Variants in CSMD3 observed in about 807,000 individuals in gnomAD.
The protein encoded by CSMD3 is CUB and sushi domain-containing protein 3.
A neutral mutation model predicts 435.2 loss-of-function variants in CSMD3; 177 were observed. That is an observed-to-expected ratio of 0.41 (90% CI 0.36 to 0.46). The LOEUF (loss-of-function observed/expected upper bound fraction) is 0.46. Among genes scored for constraint, CSMD3 ranks in the 20% least tolerant of loss-of-function variants. The pLI is 0.34. For missense variants in CSMD3, 4,265 were observed against 4,504.6 expected (o/e 0.95, Z 1.52); for synonymous variants, 1,656 against 1,520.5 (o/e 1.09, Z -2.07).
intron 69 of CSMD3, among the ~76,000 whole-genome samples, chr8:112,229,907 A>G (rs1017853729): frequency 6.6e-6 from 1 of 151,446 alleles, no homozygotes; most frequent in African/African-American, 2.4e-5. Flanking sequence ...AAAAAAAAGG[A>G]ATTAAAATTT....
At chr8:113,275,252 GAAT>G (rs1339640872) in intron 3 of CSMD3, among the ~76,000 whole-genome samples, 3 of 152,044 alleles carry the variant, frequency 2.0e-5, no homozygotes, top group Non-Finnish European at 4.4e-5. Context: ...ATCTTCTCCA[GAAT>G]AATTCTCTTT....
intron 22 of CSMD3, among the ~76,000 whole-genome samples, chr8:112,602,632 C>A (rs117737330): frequency 0.015 from 2,317 of 150,870 alleles, 35 homozygotes; most frequent in South Asian, 0.062. Context: ...CAAAACTTAA[C>A]TCCTAATAGC....
intron 10 of CSMD3, among the ~76,000 whole-genome samples, chr8:112,860,593 C>A (rs1285344140): frequency 1.3e-5 from 2 of 151,570 alleles, no homozygotes; most frequent in East Asian, 3.9e-4. Flanking sequence ...ATTGCTTTTT[C>A]AAAGCCAGCA....
chr8:113,064,198 T>A (rs1259458675), intron 5 of CSMD3, among the ~76,000 whole-genome samples: 1 of 151,928 alleles, frequency 6.6e-6, no homozygotes, highest in East Asian at 1.9e-4. Flanking sequence ...TGGTTTTACA[T>A]GAACCATTTG....
chr8:112,987,199 C>T (rs1460923097), intron 6 of CSMD3, among the ~76,000 whole-genome samples: 1 of 151,772 alleles, frequency 6.6e-6, no homozygotes, highest in African/African-American at 2.4e-5. Context: ...GTTTTATATC[C>T]ACCCAGATAA....
At chr8:112,392,557 G>C (rs1433058276) in intron 35 of CSMD3, among the ~76,000 whole-genome samples, 1 of 150,798 alleles carries the variant, frequency 6.6e-6, no homozygotes, top group Non-Finnish European at 1.5e-5. Flanking sequence ...CCAAAAAATA[G>C]AACAAAAACG....
At chr8:113,016,073 A>T (rs942735580) in intron 6 of CSMD3, among the ~76,000 whole-genome samples, 1 of 151,792 alleles carries the variant, frequency 6.6e-6, no homozygotes, top group Non-Finnish European at 1.5e-5. Context: ...AAAACTAAAT[A>T]ACTTTTTTTT....
rs1161241084 is a variant in CSMD3, at chr8:112,231,383, A to C, written c.10828+162T>G. Reference sequence around the variant, plus strand: ...ACATAAAGATCCAGTATTTTGAAGAATGTGATTATTTAAAAGGGCTATCAA... The same window carrying C: ...ACATAAAGATCCAGTATTTTGAAGACTGTGATTATTTAAAAGGGCTATCAA... On this transcript the variant is annotated intron_variant, in intron 69 of 70. Transcript: ENST00000297405. Among the ~76,000 whole-genome samples, 3 of 152,206 alleles carry C rather than the reference A, an allele frequency of 2.0e-5. No homozygotes were observed. The East Asian group carries it at 5.8e-4, about 29-fold the overall frequency.
intron 61 of CSMD3, chr8:112,255,681 ATT>A: frequency 2.1e-6 from 1 of 483,010 alleles, no homozygotes; most frequent in Non-Finnish European, 3.7e-6. Context: ...TAAAGAAAGA[ATT>A]TTTGTACTTT....
intron 4 of CSMD3, among the ~76,000 whole-genome samples, chr8:113,152,898 G>A (rs1429245548): frequency 1.3e-5 from 2 of 151,612 alleles, no homozygotes; most frequent in Non-Finnish European, 1.5e-5. Flanking sequence ...TTGAACCCAG[G>A]AGGCAGAGGT....
At chr8:113,376,749 T>G in intron 1 of CSMD3, 3 of 1,613,982 alleles carry the variant, frequency 1.9e-6, no homozygotes, top group Non-Finnish European at 2.5e-6. Flanking sequence ...TGAGGCTGTC[T>G]GTCGGTCAAG....
chr8:113,371,043 C>G (rs575076899), intron 1 of CSMD3, among the ~76,000 whole-genome samples: 1 of 152,026 alleles, frequency 6.6e-6, no homozygotes, highest in African/African-American at 2.4e-5. Context: ...GGAACTTAAT[C>G]ATATTATACT....
chr8:112,235,257 AC>A (rs1037887159), intron 67 of CSMD3, among the ~76,000 whole-genome samples: 15 of 152,006 alleles, frequency 9.9e-5, no homozygotes, highest in African/African-American at 3.6e-4. Flanking sequence ...GGTGGCACGC[AC>A]CTGTAGTCCC....
At chr8:112,916,463 A>G (rs1369812426) in intron 10 of CSMD3, among the ~76,000 whole-genome samples, 3 of 145,010 alleles carry the variant, frequency 2.1e-5, no homozygotes, top group Non-Finnish European at 4.4e-5. Flanking sequence ...TGGCTTTTAG[A>G]AAAAAAAACC....
At chr8:112,582,136 G>T (rs374830807) in intron 23 of CSMD3, among the ~76,000 whole-genome samples, 23 of 152,136 alleles carry the variant, frequency 1.5e-4, no homozygotes, top group African/African-American at 5.5e-4. Flanking sequence ...CCATCCCATT[G>T]ATATAAGTGA....
chr8:113,213,279 G>A (rs1452780847), intron 3 of CSMD3, among the ~76,000 whole-genome samples: 1 of 152,004 alleles, frequency 6.6e-6, no homozygotes, highest in Admixed American at 6.6e-5. Flanking sequence ...GGTGTAGGCA[G>A]GGCATAAAAG....
intron 3 of CSMD3, among the ~76,000 whole-genome samples, chr8:113,257,867 T>C (rs2132337501): frequency 6.6e-6 from 1 of 152,214 alleles, no homozygotes; most frequent in South Asian, 2.1e-4. Flanking sequence ...CATACTGGAA[T>C]TTGAAAAAAA....
intron 22 of CSMD3, among the ~76,000 whole-genome samples, chr8:112,629,039 G>C (rs2074435886): frequency 6.6e-6 from 1 of 152,162 alleles, no homozygotes; most frequent in African/African-American, 2.4e-5. Context: ...CAAGAATGAA[G>C]ATTAGAGTGC....
intron 45 of CSMD3, among the ~76,000 whole-genome samples, chr8:112,325,723 G>A (rs1339266838): frequency 6.6e-6 from 1 of 151,918 alleles, no homozygotes; most frequent in Non-Finnish European, 1.5e-5. Context: ...ACATTCTTAT[G>A]GTATTGAGTA....
Sources: allele counts gnomAD v4.1 joint callset (sites outside exome capture counted in the v4.1 genomes callset), GRCh38; gene constraint gnomAD v4.1.1; transcripts MANE v1.5; gene names NCBI Gene and HGNC (gene_info 2026-07-23, HGNC 2026-07-21).